The following NEGR1 variants were observed in gnomAD, a reference collection of about 807,000 sequenced individuals.
NEGR1 encodes the protein neuronal growth regulator 1.
NEGR1 carries 10 observed loss-of-function variants against 40.9 expected under a neutral mutation model. That is an observed-to-expected ratio of 0.24 (90% CI 0.15 to 0.42). The LOEUF is 0.42. Among genes scored for constraint, NEGR1 ranks in the 10% least tolerant of loss-of-function variants. The probability of loss-of-function intolerance (pLI) is 1.00; values close to 1 mark genes in which losing one functional copy is unlikely to be tolerated. For missense variants in NEGR1, 352 were observed against 438.9 expected (o/e 0.80, Z 1.77); for synonymous variants, 185 against 166.8 (o/e 1.11, Z -0.84).
intron 2 of NEGR1, among the ~76,000 whole-genome samples, chr1:71,908,176 A>G (rs531590556): frequency 5.9e-5 from 9 of 151,934 alleles, no homozygotes; most frequent in African/African-American, 1.9e-4. Context: ...ATTGTTTATA[A>G]AAATGATATA....
At chr1:71,556,920 AC>A (rs1343940596) in intron 6 of NEGR1, among the ~76,000 whole-genome samples, 1 of 151,664 alleles carries the variant, frequency 6.6e-6, no homozygotes, top group Non-Finnish European at 1.5e-5. Context: ...AAAATGAAAC[AC>A]CTCAACAGAT....
chr1:71,679,269 A>G (rs915549342), intron 4 of NEGR1, among the ~76,000 whole-genome samples: 8 of 152,168 alleles, frequency 5.3e-5, no homozygotes, highest in African/African-American at 1.9e-4. Flanking sequence ...TTAAAGTTCA[A>G]CAAAATACCT....
At chr1:71,470,599 ACTG>A (rs2101355694) in intron 6 of NEGR1, among the ~76,000 whole-genome samples, 1 of 152,192 alleles carries the variant, frequency 6.6e-6, no homozygotes, top group East Asian at 1.9e-4. Context: ...GAGTGCTTTT[ACTG>A]CCTGATCCTT....
chr1:71,776,639 G>C (rs778898339), intron 2 of NEGR1, among the ~76,000 whole-genome samples: 7 of 152,146 alleles, frequency 4.6e-5, no homozygotes, highest in Non-Finnish European at 8.8e-5. Flanking sequence ...CTCACTGTAT[G>C]ATGTTTTCCT....
At chr1:71,894,386 A>G (rs1660905052) in intron 2 of NEGR1, among the ~76,000 whole-genome samples, 1 of 152,182 alleles carries the variant, frequency 6.6e-6, no homozygotes, top group South Asian at 2.1e-4. Flanking sequence ...TCTTTGAAGC[A>G]CTCTTCTAAA....
At chr1:71,952,695 C>T (rs574774460) in intron 1 of NEGR1, among the ~76,000 whole-genome samples, 4 of 151,020 alleles carry the variant, frequency 2.6e-5, no homozygotes, top group African/African-American at 7.4e-5. Context: ...AGGACTTTCA[C>T]GGCTAGAGAA....
At chr1:71,723,343 C>A (rs1000866933) in intron 3 of NEGR1, among the ~76,000 whole-genome samples, 3 of 152,006 alleles carry the variant, frequency 2.0e-5, no homozygotes, top group Non-Finnish European at 4.4e-5. Context: ...TTTTGGCTGG[C>A]CCCTGATAGA....
intron 6 of NEGR1, among the ~76,000 whole-genome samples, chr1:71,537,705 A>G (rs1216768054): frequency 6.6e-6 from 1 of 151,754 alleles, no homozygotes; most frequent in Non-Finnish European, 1.5e-5. Flanking sequence ...TTAAATAAGC[A>G]TCATGAACTT....
At chr1:71,581,696 C>A (rs1649139114) in intron 6 of NEGR1, among the ~76,000 whole-genome samples, 1 of 77,202 alleles carries the variant, frequency 1.3e-5, no homozygotes, top group Admixed American at 1.8e-4. Context: ...TCATTATACA[C>A]AATTTTTTTT....
At chr1:71,425,022 C>T (rs1474272392) in intron 6 of NEGR1, among the ~76,000 whole-genome samples, 2 of 151,856 alleles carry the variant, frequency 1.3e-5, no homozygotes, top group African/African-American at 4.8e-5. Context: ...CAATAGAAAG[C>T]AAATGCAAGT....
chr1:71,629,967 A>G (rs377741930), intron 4 of NEGR1, among the ~76,000 whole-genome samples: 2 of 151,918 alleles, frequency 1.3e-5, no homozygotes, highest in Non-Finnish European at 2.9e-5. Flanking sequence ...TTCTCAGAGC[A>G]TTTTTCAATG....
chr1:71,634,264 C>T (rs1651068743), intron 4 of NEGR1, among the ~76,000 whole-genome samples: 1 of 151,998 alleles, frequency 6.6e-6, no homozygotes, highest in Non-Finnish European at 1.5e-5. Context: ...CCTGAGCAAG[C>T]AGATGAGCCA....
chr1:71,945,975 A>G (rs1265360077), intron 1 of NEGR1, among the ~76,000 whole-genome samples: 1 of 152,322 alleles, frequency 6.6e-6, no homozygotes, highest in East Asian at 1.9e-4. Flanking sequence ...GAATTTCTAT[A>G]TAGAGACTGC....
intron 1 of NEGR1, among the ~76,000 whole-genome samples, chr1:72,264,852 G>T (rs1281991034): frequency 2.0e-5 from 3 of 150,644 alleles, no homozygotes. Flanking sequence ...AACATAAAGA[G>T]AAATCTAAAA....
rs190653443 is a variant in NEGR1, at chr1:72,093,431, G to A, written c.177-158120C>T. Among the ~76,000 whole-genome samples the A allele has an allele frequency of 2.6e-5, 4 of 151,818 alleles. No homozygotes were observed. The East Asian group carries it at 7.7e-4, about 29-fold the overall frequency. On this transcript the variant is annotated intron_variant, in intron 1 of 6. Transcript: ENST00000357731. ...ACAAATATTCTCTCAAAAAACTTAT[G>A]TAATTGGCTTCTGAGTTCTCATAGT...
chr1:72,271,033 G>C (rs975288060), intron 1 of NEGR1, among the ~76,000 whole-genome samples: 2 of 151,796 alleles, frequency 1.3e-5, no homozygotes, highest in African/African-American at 2.4e-5. Flanking sequence ...TACTTCTGTT[G>C]TGGAGACAAG....
At chr1:71,771,299 G>T (rs1486313859) in intron 3 of NEGR1, among the ~76,000 whole-genome samples, 1 of 152,060 alleles carries the variant, frequency 6.6e-6, no homozygotes, top group Non-Finnish European at 1.5e-5. Context: ...GGCCTGTCAG[G>T]GGGTTCGGGG....
chr1:71,584,928 C>A (rs12073347), intron 6 of NEGR1, among the ~76,000 whole-genome samples: 6,503 of 152,152 alleles, frequency 0.043, 335 homozygotes, highest in African/African-American at 0.11. Context: ...AATAAAATAG[C>A]AAGCAAGAAT....
At chr1:72,121,339 G>A (rs1052529767) in intron 1 of NEGR1, among the ~76,000 whole-genome samples, 1 of 152,010 alleles carries the variant, frequency 6.6e-6, no homozygotes, top group Non-Finnish European at 1.5e-5. Context: ...CTATAAGTAC[G>A]TAAGTTTGCC....
Sources: gnomAD v4.1 joint callset for allele counts (sites outside exome capture counted in the v4.1 genomes callset) on GRCh38, gnomAD v4.1.1 for gene constraint, MANE v1.5 for transcripts, NCBI Gene and HGNC (gene_info 2026-07-23, HGNC 2026-07-21) for gene names.